The following TSHZ2 variants were observed in gnomAD, a reference collection of about 807,000 sequenced individuals.
TSHZ2 encodes the protein teashirt zinc finger homeobox 2, also known as teashirt homolog 2.
Under a neutral mutation model 74.4 loss-of-function variants are expected in TSHZ2, and 21 were observed. That is an observed-to-expected ratio of 0.28 (90% confidence interval 0.20 to 0.41). The LOEUF (loss-of-function observed/expected upper bound fraction) is 0.41, where lower values mean the gene tolerates loss of function less well. Ranked by LOEUF, TSHZ2 falls within the 10% of genes least tolerant of loss-of-function variation. The pLI is 1.00. For synonymous variants in TSHZ2, 540 were observed against 515.3 expected (o/e 1.05, Z -0.65); for missense variants, 1,244 against 1,293.5 (o/e 0.96, Z 0.59).
At chr20:53,172,058 T>A (rs1988217413) in intron 1 of TSHZ2, among the ~76,000 whole-genome samples, 3 of 152,242 alleles carry the variant, frequency 2.0e-5, no homozygotes, top group African/African-American at 7.2e-5. Flanking sequence ...CATATCTCAG[T>A]TTATCCAGTC....
chr20:53,420,236 G>A (rs1479693996), intron 2 of TSHZ2, among the ~76,000 whole-genome samples: 1 of 152,216 alleles, frequency 6.6e-6, no homozygotes, highest in Non-Finnish European at 1.5e-5. Context: ...AGGATGCTCA[G>A]TTCAAAACAG....
At chr20:53,376,644 CAT>C (rs1981667005) in intron 2 of TSHZ2, among the ~76,000 whole-genome samples, 1 of 152,218 alleles carries the variant, frequency 6.6e-6, no homozygotes, top group Non-Finnish European at 1.5e-5. Flanking sequence ...TTTCTCCACT[CAT>C]ATCTGGTATC....
intron 2 of TSHZ2, among the ~76,000 whole-genome samples, chr20:53,446,963 A>G (rs1011327158): frequency 6.6e-6 from 1 of 152,152 alleles, no homozygotes; most frequent in South Asian, 2.1e-4. Context: ...CCCATAAGCA[A>G]AAAGACAGCT....
At chr20:53,205,133 A>C (rs1380864904) in intron 1 of TSHZ2, among the ~76,000 whole-genome samples, 1 of 152,014 alleles carries the variant, frequency 6.6e-6, no homozygotes, top group East Asian at 1.9e-4. Flanking sequence ...AGAGTCACAC[A>C]GTTATCACGT....
rs572488665 is a variant in TSHZ2 at position 53,037,815 on chromosome 20, C to A, written c.40+64482C>A. Among the ~76,000 whole-genome samples, 12 of 152,278 alleles carry A rather than the reference C, an allele frequency of 7.9e-5. No individual in the cohort carries two copies. In the East Asian group the frequency reaches 2.3e-3, roughly 29 times the overall value. ...CCGGTGGCCCTGGATCATCCGCTAC[C>A]AACAGGACTTGCCTGTGTGCATCTG... On this transcript the variant is annotated intron_variant, in intron 1 of 2. Coordinates refer to ENST00000371497, the MANE Select transcript of TSHZ2 (RefSeq NM_173485.6).
intron 1 of TSHZ2, among the ~76,000 whole-genome samples, chr20:53,221,331 A>T (rs1032939549): frequency 2.0e-5 from 3 of 152,172 alleles, no homozygotes; most frequent in African/African-American, 7.2e-5. Context: ...TACAATGAGC[A>T]CTCATCAATC....
At chr20:53,459,740 T>C (rs1985269861) in intron 2 of TSHZ2, among the ~76,000 whole-genome samples, 1 of 140,402 alleles carries the variant, frequency 7.1e-6, no homozygotes, top group Admixed American at 7.4e-5. Flanking sequence ...GGAGCTCTTT[T>C]AGGGCAGGCC....
chr20:53,427,398 C>T (rs1359288078), intron 2 of TSHZ2, among the ~76,000 whole-genome samples: 1 of 152,134 alleles, frequency 6.6e-6, no homozygotes, highest in Non-Finnish European at 1.5e-5. Context: ...TCCTACCCTT[C>T]CGGGTTGCAT....
intron 1 of TSHZ2, among the ~76,000 whole-genome samples, chr20:53,182,544 A>C (rs1049678286): frequency 5.9e-5 from 9 of 152,256 alleles, no homozygotes; most frequent in Non-Finnish European, 1.3e-4. Context: ...CTAAATGATT[A>C]TTTAATGGTA....
At chr20:53,284,511 C>T (rs1991127004) in intron 2 of TSHZ2, among the ~76,000 whole-genome samples, 2 of 152,126 alleles carry the variant, frequency 1.3e-5, no homozygotes, top group Non-Finnish European at 2.9e-5. Flanking sequence ...TGAGCCGATT[C>T]CCGATGTTGA....
intron 2 of TSHZ2, among the ~76,000 whole-genome samples, chr20:53,358,443 C>T (rs1980932366): frequency 6.8e-6 from 1 of 146,780 alleles, no homozygotes; most frequent in Non-Finnish European, 1.5e-5. Flanking sequence ...CAGGTTCAAG[C>T]AGTTCTCGTG....
chr20:53,312,585 A>C (rs1600804940), intron 2 of TSHZ2, among the ~76,000 whole-genome samples: 1 of 152,326 alleles, frequency 6.6e-6, no homozygotes, highest in South Asian at 2.1e-4. Flanking sequence ...CTATCTCTCT[A>C]AAAGAATTCA....
chr20:53,356,309 T>C (rs1048300510), intron 2 of TSHZ2, among the ~76,000 whole-genome samples: 32 of 152,292 alleles, frequency 2.1e-4, no homozygotes, highest in African/African-American at 7.5e-4. Context: ...GGGATAATTA[T>C]GATCTGAACT....
At chr20:53,354,060 C>T (rs749108101) in intron 2 of TSHZ2, among the ~76,000 whole-genome samples, 2 of 152,198 alleles carry the variant, frequency 1.3e-5, no homozygotes, top group African/African-American at 4.8e-5. Flanking sequence ...GTCGTAGGCA[C>T]CATTGCCAGA....
intron 1 of TSHZ2, among the ~76,000 whole-genome samples, chr20:53,103,426 T>A (rs1404466910): frequency 6.6e-6 from 1 of 152,200 alleles, no homozygotes; most frequent in African/African-American, 2.4e-5. Context: ...ACCTAATACA[T>A]ATGTGTGCAT....
intron 1 of TSHZ2, among the ~76,000 whole-genome samples, chr20:53,243,312 G>T (rs1397354226): frequency 6.6e-6 from 1 of 152,152 alleles, no homozygotes; most frequent in African/African-American, 2.4e-5. Context: ...GTTCTGAGAT[G>T]GAAACTGGGC....
chr20:53,264,745 T>A (rs1247926009), intron 2 of TSHZ2, among the ~76,000 whole-genome samples: 5 of 152,250 alleles, frequency 3.3e-5, no homozygotes, highest in Non-Finnish European at 7.3e-5. Context: ...TTTTTTTTTA[T>A]ACAAAGCTTC....
intron 2 of TSHZ2, among the ~76,000 whole-genome samples, chr20:53,305,901 C>A (rs751008838): frequency 6.6e-6 from 1 of 151,890 alleles, no homozygotes; most frequent in Non-Finnish European, 1.5e-5. Flanking sequence ...TTGCTTGAAC[C>A]CGGGAGGCGG....
At chr20:53,455,707 T>G (rs1214438214) in intron 2 of TSHZ2, among the ~76,000 whole-genome samples, 4 of 146,496 alleles carry the variant, frequency 2.7e-5, no homozygotes, top group African/African-American at 9.9e-5. Flanking sequence ...ATGCTATCCC[T>G]CCCCCGCCCC....
Sources: allele counts gnomAD v4.1 joint callset (sites outside exome capture counted in the v4.1 genomes callset), GRCh38; gene constraint gnomAD v4.1.1; transcripts MANE v1.5; gene names NCBI Gene and HGNC (gene_info 2026-07-23, HGNC 2026-07-21).